The following ARK2C variants were observed in gnomAD, a reference collection of about 807,000 sequenced individuals.
ARK2C encodes E3 ubiquitin-protein ligase ARK2C.
chr18:46,431,678 G>A, the ARK2C span, among the ~76,000 whole-genome samples: 1 of 152,140 alleles, frequency 6.6e-6, no homozygotes, highest in African/African-American at 2.4e-5. Context: ...CTCCTGCCTC[G>A]GGTCAACCCC....
the ARK2C span, chr18:46,450,763 C>G: frequency 6.2e-7 from 1 of 1,613,896 alleles, no homozygotes; most frequent in African/African-American, 1.3e-5. Context: ...TACAGAACAC[C>G]ATTGAGAGGT....
At chr18:46,353,430 T>C in the ARK2C span, among the ~76,000 whole-genome samples, 1 of 152,184 alleles carries the variant, frequency 6.6e-6, no homozygotes, top group South Asian at 2.1e-4. Context: ...CAAGGGTCTG[T>C]GACCTCTTGA....
At chr18:46,445,616 A>G in the ARK2C span, among the ~76,000 whole-genome samples, 1 of 152,092 alleles carries the variant, frequency 6.6e-6, no homozygotes, top group South Asian at 2.1e-4. Flanking sequence ...TGGAAATAAG[A>G]TCTCTGAATC....
the ARK2C span, among the ~76,000 whole-genome samples, chr18:46,448,178 C>T: frequency 1.1e-4 from 16 of 150,074 alleles, no homozygotes; most frequent in Admixed American, 2.7e-4. Flanking sequence ...GTGTCCTGGC[C>T]CCCTTATATC....
At chr18:46,456,481 C>T in the ARK2C span, 4 of 1,459,690 alleles carry the variant, frequency 2.7e-6, no homozygotes, top group Non-Finnish European at 3.8e-6. Flanking sequence ...TGTCCCTCAG[C>T]TCTTGCCGGG....
At chr18:46,338,823 T>C in the ARK2C span, among the ~76,000 whole-genome samples, 2 of 152,344 alleles carry the variant, frequency 1.3e-5, no homozygotes, top group East Asian at 3.9e-4. Context: ...TTGGAGCTGC[T>C]CCTCTTTTGG....
chr18:46,462,598 C>G, the ARK2C span: 1 of 152,532 alleles, frequency 6.6e-6, no homozygotes, highest in East Asian at 1.9e-4. Context: ...CCTTGCTTTC[C>G]CTGGAGACAA....
chr18:46,416,569 C>A, the ARK2C span, among the ~76,000 whole-genome samples: 2 of 152,232 alleles, frequency 1.3e-5, no homozygotes, highest in East Asian at 3.8e-4. Flanking sequence ...TTAGCTTTTT[C>A]TGTATAACAA....
the ARK2C span, among the ~76,000 whole-genome samples, chr18:46,438,216 G>C: frequency 2.0e-5 from 3 of 152,252 alleles, no homozygotes; most frequent in African/African-American, 7.2e-5. Flanking sequence ...GACCCCTTTA[G>C]ACACTTAGCA....
At chr18:46,361,491 TGCAAAGCAAG>T in the ARK2C span, among the ~76,000 whole-genome samples, 1 of 152,222 alleles carries the variant, frequency 6.6e-6, no homozygotes. Context: ...AGTGCCACAG[TGCAAAGCAAG>T]GCTTCCTCTC....
At chr18:46,447,404 C>G in the ARK2C span, 20 of 736,526 alleles carry the variant, frequency 2.7e-5, no homozygotes, top group Non-Finnish European at 4.6e-6. Flanking sequence ...CTGTTTCCTT[C>G]CCTCTGAAGA....
chr18:46,407,822 A>T, the ARK2C span, among the ~76,000 whole-genome samples: 1 of 152,240 alleles, frequency 6.6e-6, no homozygotes, highest in Non-Finnish European at 1.5e-5. Context: ...CCATGTGAAA[A>T]GTTGGGTGAC....
the ARK2C span, chr18:46,461,569 C>G: frequency 6.7e-6 from 1 of 148,468 alleles, no homozygotes; most frequent in Non-Finnish European, 1.5e-5. Flanking sequence ...GGCTTGAACC[C>G]AGGAGACGGA....
the ARK2C span, among the ~76,000 whole-genome samples, chr18:46,394,518 C>T: frequency 6.6e-6 from 1 of 152,184 alleles, no homozygotes; most frequent in Non-Finnish European, 1.5e-5. Context: ...TCCCCCCAGC[C>T]AGGCTGAGTG....
chr18:46,424,666 G>A, the ARK2C span, among the ~76,000 whole-genome samples: 1 of 152,150 alleles, frequency 6.6e-6, no homozygotes, highest in African/African-American at 2.4e-5. Context: ...GCTATTTGAG[G>A]CCCCTGCCAG....
the ARK2C span, among the ~76,000 whole-genome samples, chr18:46,429,305 G>C: frequency 6.6e-6 from 1 of 152,192 alleles, no homozygotes; most frequent in African/African-American, 2.4e-5. Context: ...GAATAGACTA[G>C]CATAAGACAC....
chr18:46,394,351 T>C, the ARK2C span, among the ~76,000 whole-genome samples: 1 of 152,170 alleles, frequency 6.6e-6, no homozygotes, highest in African/African-American at 2.4e-5. Context: ...GCTCCCTCCT[T>C]CTAGCTTGCC....
chr18:46,372,783 G>A, the ARK2C span, among the ~76,000 whole-genome samples: 4 of 152,342 alleles, frequency 2.6e-5, no homozygotes, highest in South Asian at 2.1e-4. Flanking sequence ...TGTGCATTTC[G>A]AGAGCGCCAA....
chr18:46,431,697 T>C, the ARK2C span, among the ~76,000 whole-genome samples: 1 of 152,188 alleles, frequency 6.6e-6, no homozygotes, highest in Non-Finnish European at 1.5e-5. Flanking sequence ...CCCACTCCTA[T>C]TGGAGCCTCT....
Sources: gnomAD v4.1 joint callset for allele counts (sites outside exome capture counted in the v4.1 genomes callset) on GRCh38, gnomAD v4.1.1 for gene constraint, MANE v1.5 for transcripts, NCBI Gene and HGNC (gene_info 2026-07-23, HGNC 2026-07-21) for gene names.